The following RCOR1 variants were observed in gnomAD, a reference collection of about 807,000 sequenced individuals.
RCOR1 encodes REST corepressor 1, also known as REST corepressor.
Under a neutral mutation model 64.0 loss-of-function variants are expected in RCOR1, and 12 were observed. The observed-to-expected ratio is 0.19, with a 90% CI of 0.12 to 0.30. The LOEUF (loss-of-function observed/expected upper bound fraction) is 0.30, where lower values mean the gene tolerates loss of function less well. Among genes scored for constraint, RCOR1 ranks in the 10% least tolerant of loss-of-function variants. RCOR1 has a pLI of 1.00. For missense variants in RCOR1, 502 were observed against 621.2 expected (o/e 0.81, Z 2.04); for synonymous variants, 279 against 227.2 (o/e 1.23, Z -2.05).
At chr14:102,602,158 CAAAA>C (rs35761645) in intron 2 of RCOR1, among the ~76,000 whole-genome samples, 2 of 132,604 alleles carry the variant, frequency 1.5e-5, no homozygotes. Flanking sequence ...GACTCCGTCT[CAAAA>C]AAAAAAAAAA....
At chr14:102,705,874 A>G (rs1895841740) in intron 4 of RCOR1, among the ~76,000 whole-genome samples, 1 of 151,972 alleles carries the variant, frequency 6.6e-6, no homozygotes, top group Admixed American at 6.6e-5. Context: ...CACACCTATA[A>G]TCCCAGCACT....
At chr14:102,718,127 T>G (rs1238544390) in intron 8 of RCOR1, among the ~76,000 whole-genome samples, 1 of 152,198 alleles carries the variant, frequency 6.6e-6, no homozygotes, top group African/African-American at 2.4e-5. Flanking sequence ...TGTTAGTTCA[T>G]GTGTTCAGTC....
intron 2 of RCOR1, among the ~76,000 whole-genome samples, chr14:102,661,505 G>C (rs1307121831): frequency 6.6e-6 from 1 of 152,118 alleles, no homozygotes; most frequent in East Asian, 1.9e-4. Context: ...AACCTTGTAA[G>C]ACTCAGAGGG....
At position 102,722,365 on chromosome 14, in the gene RCOR1, G is replaced by A. The variant is rs770174640; in HGVS notation, c.1368G>A (p.Lys456=). ...KEETNGPSNQ[K]PVKSPDNSIK... is the part of the protein sequence containing the mutation. Reference sequence around the variant, plus strand: ...AGACCAATGGGCCCAGTAACCAGAAGCCTGTGAAGTCCCCAGATAATTCCA... The same window carrying A: ...AGACCAATGGGCCCAGTAACCAGAAACCTGTGAAGTCCCCAGATAATTCCA... The change falls in exon 11 of 12, where the codon AAG becomes AAA. Residue 456 remains lysine (K), a synonymous_variant. Coordinates refer to ENST00000262241, the MANE Select transcript of RCOR1 (RefSeq NM_015156.4). 4.5e-5 allele frequency: 72 copies of A among 1,614,000 alleles called. 1 individual carries two copies. In the South Asian group the frequency reaches 7.8e-4, roughly 17 times the overall value.
At chr14:102,680,080 C>T (rs1393115982) in intron 2 of RCOR1, among the ~76,000 whole-genome samples, 1 of 152,134 alleles carries the variant, frequency 6.6e-6, no homozygotes, top group South Asian at 2.1e-4. Flanking sequence ...TAGTTTCTCT[C>T]AGCAGTGTTT....
intron 2 of RCOR1, among the ~76,000 whole-genome samples, chr14:102,614,268 A>C (rs1363603800): frequency 7.4e-6 from 1 of 135,984 alleles, no homozygotes; most frequent in East Asian, 2.1e-4. Context: ...TTTGTCACCT[A>C]GGCTGGAGTC....
intron 7 of RCOR1, among the ~76,000 whole-genome samples, chr14:102,713,947 AAATT>A (rs1418082002): frequency 2.6e-5 from 4 of 152,250 alleles, no homozygotes; most frequent in Admixed American, 2.6e-4. Context: ...GGTTTTACAG[AAATT>A]AATAGCCGTC....
chr14:102,726,696 T>G lies in RCOR1; in HGVS notation c.*190T>G. 11 of 563,104 alleles carry G rather than the reference T, an allele frequency of 2.0e-5. No individual in the cohort carries two copies. Among genetic ancestry groups the G allele is most frequent in the East Asian group, 9.5e-5 (3 of 31,626 alleles). The allele number at this position is 563,104 out of a possible 1,614,324, so 34.9% of individuals were successfully genotyped here. On this transcript the variant is annotated 3_prime_UTR_variant, in exon 12 of 12. Coordinates refer to ENST00000262241, the MANE Select transcript of RCOR1 (RefSeq NM_015156.4). Reference sequence around the variant, plus strand: ...GCTCGTTCCTCCATGTTGGCGCCACTTCCCAGAGAGCTCCACTGCATCTCA... The same window carrying G: ...GCTCGTTCCTCCATGTTGGCGCCACGTCCCAGAGAGCTCCACTGCATCTCA...
intron 7 of RCOR1, among the ~76,000 whole-genome samples, chr14:102,712,264 C>T (rs557815109): frequency 9.1e-4 from 139 of 152,180 alleles, no homozygotes; most frequent in Non-Finnish European, 1.6e-3. Context: ...CTCACTGCAA[C>T]CTCTGCCTCC....
chr14:102,665,427 G>A (rs752111947), intron 2 of RCOR1, among the ~76,000 whole-genome samples: 3 of 151,606 alleles, frequency 2.0e-5, no homozygotes, highest in Non-Finnish European at 4.4e-5. Context: ...ATGCCCATTA[G>A]GTTAGGTGTA....
intron 2 of RCOR1, among the ~76,000 whole-genome samples, chr14:102,637,907 T>G (rs1894279571): frequency 6.6e-6 from 1 of 152,204 alleles, no homozygotes; most frequent in South Asian, 2.1e-4. Context: ...CTTACAGTGT[T>G]CAAACACTGT....
intron 2 of RCOR1, among the ~76,000 whole-genome samples, chr14:102,626,223 T>G (rs1186277324): frequency 6.6e-6 from 1 of 152,234 alleles, no homozygotes; most frequent in Non-Finnish European, 1.5e-5. Context: ...TTCCTTTGTC[T>G]TCTTGTTTCA....
chr14:102,650,987 A>T (rs780576880), intron 2 of RCOR1: 21 of 862,376 alleles, frequency 2.4e-5, no homozygotes, highest in Non-Finnish European at 2.8e-5. Context: ...TCATAATAGA[A>T]TACAGGTATC....
chr14:102,625,231 CTTTTTTTTTT>C (rs61403856), intron 2 of RCOR1, among the ~76,000 whole-genome samples: 2 of 79,180 alleles, frequency 2.5e-5, no homozygotes, highest in Non-Finnish European at 2.2e-5. Context: ...TATCTTGTTA[CTTTTTTTTTT>C]TTTTTTTTTT....
At chr14:102,669,526 G>C (rs1894989044) in intron 2 of RCOR1, among the ~76,000 whole-genome samples, 1 of 152,038 alleles carries the variant, frequency 6.6e-6, no homozygotes, top group Non-Finnish European at 1.5e-5. Context: ...TTAAAATCTA[G>C]GCATTGTAGC....
intron 2 of RCOR1, among the ~76,000 whole-genome samples, chr14:102,617,972 CT>C (rs71305077): frequency 0.051 from 6,227 of 122,418 alleles, 320 homozygotes; most frequent in African/African-American, 0.18. Flanking sequence ...TTTTTTTTTT[CT>C]TTTTTTTTTT....
intron 2 of RCOR1, among the ~76,000 whole-genome samples, chr14:102,680,162 T>C (rs918541549): frequency 1.3e-5 from 2 of 152,068 alleles, no homozygotes; most frequent in Non-Finnish European, 1.5e-5. Flanking sequence ...ATCTTTAATT[T>C]TGATTTTTGA....
chr14:102,666,573 A>G (rs1894919800), intron 2 of RCOR1, among the ~76,000 whole-genome samples: 1 of 152,144 alleles, frequency 6.6e-6, no homozygotes, highest in African/African-American at 2.4e-5. Context: ...CATTACATTT[A>G]GTTGCCTTGT....
chr14:102,609,025 C>CTTTTTTTTTTTTTTT (rs1004210046), intron 2 of RCOR1, among the ~76,000 whole-genome samples: 2 of 107,002 alleles, frequency 1.9e-5, no homozygotes, highest in African/African-American at 3.5e-5. Context: ...CTGTGCTTCA[C>CTTTTTTTTTTTTTTT]TTTTTTTTTT....
Sources: allele counts gnomAD v4.1 joint callset (sites outside exome capture counted in the v4.1 genomes callset), GRCh38; gene constraint gnomAD v4.1.1; transcripts MANE v1.5; gene names NCBI Gene and HGNC (gene_info 2026-07-23, HGNC 2026-07-21).